Variants in EPHA3 observed in about 807,000 individuals in gnomAD.
The protein encoded by EPHA3 is ephrin type-A receptor 3.
In EPHA3, 42 loss-of-function variants were observed where a neutral mutation model predicts 107.1. That is an observed-to-expected ratio of 0.39 (90% CI 0.31 to 0.51). EPHA3 has a LOEUF of 0.51. Among genes scored for constraint, EPHA3 ranks in the 20% least tolerant of loss-of-function variants. EPHA3 has a pLI of 0.78. For missense variants in EPHA3, 1,183 were observed against 1,211.2 expected (o/e 0.98, Z 0.35); for synonymous variants, 461 against 424.8 (o/e 1.09, Z -1.05).
intron 3 of EPHA3, among the ~76,000 whole-genome samples, chr3:89,277,998 G>A (rs62274986): frequency 0.22 from 33,051 of 151,992 alleles, 4,078 homozygotes; most frequent in Non-Finnish European, 0.27. Context: ...TGTCTCAAAT[G>A]TATTTGATTT....
At chr3:89,411,164 G>GA (rs1709149018) in intron 9 of EPHA3, among the ~76,000 whole-genome samples, 1 of 151,542 alleles carries the variant, frequency 6.6e-6, no homozygotes, top group African/African-American at 2.4e-5. Flanking sequence ...GAATAGTATA[G>GA]CTTTTTTTTT....
At chr3:89,403,224 G>T (rs1389101109) in intron 7 of EPHA3, among the ~76,000 whole-genome samples, 1 of 152,098 alleles carries the variant, frequency 6.6e-6, no homozygotes, top group Admixed American at 6.6e-5. Context: ...ACAAAGGGAG[G>T]TTAAGGAAGT....
chr3:89,220,375 C>G (rs1559606782), intron 3 of EPHA3, among the ~76,000 whole-genome samples: 1 of 152,076 alleles, frequency 6.6e-6, no homozygotes, highest in South Asian at 2.1e-4. Flanking sequence ...TGGAAAGTGA[C>G]ACCTCTGCAA....
chr3:89,126,122 G>C (rs1295925201), intron 1 of EPHA3, among the ~76,000 whole-genome samples: 1 of 151,400 alleles, frequency 6.6e-6, no homozygotes, highest in Non-Finnish European at 1.5e-5. Flanking sequence ...ATTATGTTTT[G>C]GTTTGTGTAT....
At chr3:89,223,437 G>C (rs1052729486) in intron 3 of EPHA3, among the ~76,000 whole-genome samples, 10 of 152,290 alleles carry the variant, frequency 6.6e-5, no homozygotes, top group African/African-American at 2.4e-4. Context: ...TCATTGAGCT[G>C]CCATAAAGAA....
At chr3:89,454,821 C>G (rs1450281145) in intron 15 of EPHA3, among the ~76,000 whole-genome samples, 1 of 152,008 alleles carries the variant, frequency 6.6e-6, no homozygotes, top group African/African-American at 2.4e-5. Flanking sequence ...GCAAGACCCC[C>G]ATCCCTACAA....
chr3:89,271,264 G>GA (rs1032720956), intron 3 of EPHA3, among the ~76,000 whole-genome samples: 1 of 151,764 alleles, frequency 6.6e-6, no homozygotes, highest in African/African-American at 2.4e-5. Context: ...AAGAAAAGCC[G>GA]AAAAAAAGAA....
chr3:89,279,669 G>C (rs1179570348), intron 3 of EPHA3, among the ~76,000 whole-genome samples: 1 of 151,836 alleles, frequency 6.6e-6, no homozygotes, highest in Non-Finnish European at 1.5e-5. Flanking sequence ...TCTAGAGTGG[G>C]TCCTGCAACA....
rs756150709 is a variant in EPHA3 at position 89,369,496 on chromosome 3, A to C, written c.1307-26341A>C. Among the ~76,000 whole-genome samples the C allele has an allele frequency of 3.1e-4, 46 of 150,610 alleles. 3 individuals carry two copies. Among genetic ancestry groups the C allele is most frequent in the Non-Finnish European group, 6.4e-4 (43 of 67,534 alleles). On this transcript the variant is annotated intron_variant, in intron 5 of 16. Transcript: ENST00000336596. ...CTTCCTTACACAACTAATTTATACA[A>C]AAATTAATTCAAGATGGATTAAAGA... is the stretch of plus-strand genomic sequence containing the variant.
intron 5 of EPHA3, among the ~76,000 whole-genome samples, chr3:89,345,086 A>G (rs1474587488): frequency 1.3e-5 from 2 of 151,172 alleles, no homozygotes; most frequent in African/African-American, 4.8e-5. Flanking sequence ...CTTCTGGACA[A>G]AAACAATCAT....
Position 89,210,006 on chromosome 3 carries a change from G to GT in EPHA3, c.302dup (p.Thr102HisfsTer7). 1 of 1,614,012 alleles carries GT rather than the reference G, an allele frequency of 6.2e-7. No individual in the cohort carries two copies. Among genetic ancestry groups the GT allele is most frequent in the Non-Finnish European group, 8.5e-7 (1 of 1,179,948 alleles). On this transcript the variant is annotated frameshift_variant, in exon 3 of 17. Coordinates refer to ENST00000336596, the MANE Select transcript of EPHA3 (RefSeq NM_005233.6). LOFTEE classifies it high-confidence loss of function. Reference sequence around the variant, plus strand: ...CTCAGAAGATTTATGTGGAGCTCAAGTTCACTCTACGAGACTGCAATAGCA... The same window carrying GT: ...CTCAGAAGATTTATGTGGAGCTCAAGTTTCACTCTACGAGACTGCAATAGCA...
chr3:89,298,877 A>G (rs1706421372), intron 3 of EPHA3, among the ~76,000 whole-genome samples: 2 of 152,086 alleles, frequency 1.3e-5, no homozygotes, highest in South Asian at 4.1e-4. Flanking sequence ...ATTGATAATT[A>G]TATGTTTAGA....
chr3:89,166,562 A>T (rs1249479123), intron 2 of EPHA3, among the ~76,000 whole-genome samples: 1 of 152,222 alleles, frequency 6.6e-6, no homozygotes, highest in Non-Finnish European at 1.5e-5. Context: ...CCATAAAAAC[A>T]GTTCTTTGAA....
At chr3:89,338,302 A>T (rs146641963) in intron 3 of EPHA3, among the ~76,000 whole-genome samples, 2 of 152,276 alleles carry the variant, frequency 1.3e-5, no homozygotes, top group African/African-American at 4.8e-5. Context: ...TTATTTGTAT[A>T]TTGAATTATG....
intron 5 of EPHA3, among the ~76,000 whole-genome samples, chr3:89,346,852 C>A (rs2107432220): frequency 6.9e-6 from 1 of 144,134 alleles, no homozygotes; most frequent in East Asian, 2.0e-4. Context: ...CCAGTTTTGC[C>A]AGCACCATTT....
chr3:89,207,053 T>C (rs962652720), intron 2 of EPHA3, among the ~76,000 whole-genome samples: 1 of 152,164 alleles, frequency 6.6e-6, no homozygotes, highest in Admixed American at 6.5e-5. Flanking sequence ...TAACTTGTTT[T>C]GTTTGTAAGT....
chr3:89,412,088 C>G (rs1186109957), intron 9 of EPHA3, among the ~76,000 whole-genome samples: 1 of 151,774 alleles, frequency 6.6e-6, no homozygotes, highest in Non-Finnish European at 1.5e-5. Flanking sequence ...TTGCAATTTC[C>G]TTTAATTTTA....
chr3:89,251,266 C>A (rs1705160329), intron 3 of EPHA3, among the ~76,000 whole-genome samples: 1 of 151,618 alleles, frequency 6.6e-6, no homozygotes, highest in South Asian at 2.1e-4. Context: ...ACAAATAAAC[C>A]CTCTTGAATA....
chr3:89,158,426 A>G (rs1177252297), intron 2 of EPHA3, among the ~76,000 whole-genome samples: 1 of 152,112 alleles, frequency 6.6e-6, no homozygotes, highest in Non-Finnish European at 1.5e-5. Flanking sequence ...TACACTGTCT[A>G]TTAAAAGGAA....
Sources: gnomAD v4.1 joint callset for allele counts (sites outside exome capture counted in the v4.1 genomes callset) on GRCh38, gnomAD v4.1.1 for gene constraint, MANE v1.5 for transcripts, NCBI Gene and HGNC (gene_info 2026-07-23, HGNC 2026-07-21) for gene names.